The following FBXL2 variants were observed in gnomAD, a reference collection of about 807,000 sequenced individuals.
The protein encoded by FBXL2 is F-box and leucine rich repeat protein 2, also known as F-box/LRR-repeat protein 2.
In FBXL2, 38 loss-of-function variants were observed where a neutral mutation model predicts 69.2. The ratio of observed to expected loss-of-function variants is 0.55; its 90% CI spans 0.42 to 0.72. The LOEUF (loss-of-function observed/expected upper bound fraction) is 0.72, where lower values mean the gene tolerates loss of function less well. Among genes scored for constraint, FBXL2 ranks in the 30% least tolerant of loss-of-function variants. FBXL2 has a pLI of 0.00. For missense variants in FBXL2, 354 were observed against 520.3 expected, an observed-to-expected ratio of 0.68 and a Z score of 3.11; for synonymous variants, 192 against 201.3, an observed-to-expected ratio of 0.95 and a Z score of 0.39.
intron 5 of FBXL2, among the ~76,000 whole-genome samples, chr3:33,364,964 A>C (rs1381183498): frequency 6.6e-6 from 1 of 152,212 alleles, no homozygotes. Context: ...TCTCTTCTGC[A>C]AAGTCAGGGC....
chr3:33,342,811 C>T (rs1418337987), intron 2 of FBXL2, among the ~76,000 whole-genome samples: 1 of 139,556 alleles, frequency 7.2e-6, no homozygotes, highest in Non-Finnish European at 1.5e-5. Context: ...CTGCAAGCTC[C>T]GCCTCCCGGG....
intron 2 of FBXL2, among the ~76,000 whole-genome samples, chr3:33,321,222 A>G (rs1281891418): frequency 1.3e-5 from 2 of 151,944 alleles, no homozygotes; most frequent in African/African-American, 2.4e-5. Context: ...AGGCAGCAGA[A>G]TCACTTGAAC....
intron 1 of FBXL2, among the ~76,000 whole-genome samples, chr3:33,285,559 C>G (rs990644087): frequency 6.6e-6 from 1 of 152,160 alleles, no homozygotes; most frequent in Admixed American, 6.5e-5. Context: ...GTGGCATTCT[C>G]TGTATTTCCT....
chr3:33,289,757 T>TG, intron 1 of FBXL2: 2 of 983,962 alleles, frequency 2.0e-6, no homozygotes, highest in Non-Finnish European at 2.4e-6. Context: ...GTTCGGATGC[T>TG]GGGGCAAGGG....
chr3:33,313,270 T>A (rs1407501588), intron 2 of FBXL2, among the ~76,000 whole-genome samples: 1 of 152,088 alleles, frequency 6.6e-6, no homozygotes, highest in Non-Finnish European at 1.5e-5. Context: ...TTTTTAATTT[T>A]AAACTCCATC....
At chr3:33,377,197 T>A in intron 10 of FBXL2, 76 bp from the exon 11 acceptor site, 1 of 1,352,088 alleles carries the variant, frequency 7.4e-7, no homozygotes, top group South Asian at 1.2e-5. Context: ...AAGACTCAAG[T>A]ATGCATCATA....
chr3:33,313,649 T>C (rs777480212), intron 2 of FBXL2, among the ~76,000 whole-genome samples: 1 of 151,564 alleles, frequency 6.6e-6, no homozygotes, highest in African/African-American at 2.4e-5. Flanking sequence ...GGTCTTATTA[T>C]GTTGCCCAGG....
In FBXL2 at chr3:33,278,790, G is replaced by A. The variant is rs376881619; in HGVS notation, c.3+1275G>A. On this transcript the variant is annotated intron_variant, in intron 1 of 14. Coordinates refer to ENST00000484457, the MANE Select transcript of FBXL2 (RefSeq NM_012157.5). ...TTGCTTTTTAAGTGACAAATTAATG[G>A]AGCTGGCAAGAGTTTCAGAAACTGA... 5.6e-4 allele frequency among the ~76,000 whole-genome samples: 86 copies of A among 152,286 alleles called. 1 individual carries two copies. The highest frequency in any genetic ancestry group is 2.0e-3 in the African/African-American group (82 of 41,558).
chr3:33,284,179 G>T (rs1036497124), intron 1 of FBXL2, among the ~76,000 whole-genome samples: 6 of 152,054 alleles, frequency 3.9e-5, no homozygotes, highest in Non-Finnish European at 8.8e-5. Flanking sequence ...TTTCTCTTGT[G>T]GGCATTTAGT....
chr3:33,416,942 T>C, the FBXL2 span: 3 of 947,214 alleles, frequency 3.2e-6, no homozygotes, highest in Middle Eastern at 2.3e-4. Flanking sequence ...CAATGATAGT[T>C]TGTTAATTTG....
At chr3:33,396,520 G>C (rs1360744986) in intron 12 of FBXL2, 1 of 485,828 alleles carries the variant, frequency 2.1e-6, no homozygotes, top group Non-Finnish European at 3.7e-6. Flanking sequence ...TCAGATGCTG[G>C]TAAATTTAAG....
chr3:33,301,237 T>C (rs1204654742), intron 2 of FBXL2, among the ~76,000 whole-genome samples: 1 of 152,202 alleles, frequency 6.6e-6, no homozygotes, highest in African/African-American at 2.4e-5. Flanking sequence ...AGTCTGTTGT[T>C]CCTAATCTTG....
At chr3:33,378,061 C>A in intron 11 of FBXL2, 42 bp from the exon 12 acceptor site, 1 of 1,604,432 alleles carries the variant, frequency 6.2e-7, no homozygotes, top group Non-Finnish European at 8.5e-7. Context: ...GTTGCTGTCA[C>A]CACTGACTCA....
At chr3:33,306,652 A>G (rs2036745801) in intron 2 of FBXL2, among the ~76,000 whole-genome samples, 1 of 152,126 alleles carries the variant, frequency 6.6e-6, no homozygotes. Flanking sequence ...CTGGATGCTT[A>G]TTGTGTCCTC....
downstream of FBXL2, among the ~76,000 whole-genome samples, chr3:33,404,535 T>A (rs1297990746): frequency 6.6e-6 from 1 of 151,066 alleles, no homozygotes; most frequent in African/African-American, 2.4e-5. Flanking sequence ...TAGTCACAGC[T>A]ACTTGGGAGT....
the FBXL2 span, among the ~76,000 whole-genome samples, chr3:33,417,109 C>G: frequency 6.6e-6 from 1 of 152,306 alleles, no homozygotes; most frequent in East Asian, 1.9e-4. Flanking sequence ...TTACCTAAGA[C>G]TAATTTTTGT....
intron 2 of FBXL2, among the ~76,000 whole-genome samples, chr3:33,344,890 G>T (rs1000892408): frequency 1.3e-5 from 2 of 152,104 alleles, no homozygotes; most frequent in African/African-American, 4.8e-5. Flanking sequence ...ACATCTACAG[G>T]ATTACTAACA....
chr3:33,393,471 A>AG (rs2043847259), intron 12 of FBXL2: 1 of 1,595,556 alleles, frequency 6.3e-7, no homozygotes, highest in Non-Finnish European at 8.5e-7. Context: ...TTAAAAAAAA[A>AG]AAAAGAAAAG....
intron 13 of FBXL2, chr3:33,383,208 C>CA (rs1404119251): frequency 3.3e-5 from 5 of 152,220 alleles, no homozygotes; most frequent in African/African-American, 1.2e-4. Context: ...GGGGCTGGGA[C>CA]AGAGTTAGAA....
Sources: allele counts gnomAD v4.1 joint callset (sites outside exome capture counted in the v4.1 genomes callset), GRCh38; gene constraint gnomAD v4.1.1; transcripts MANE v1.5; gene names NCBI Gene and HGNC (gene_info 2026-07-23, HGNC 2026-07-21).